Variants in PLXNA2 observed in about 807,000 individuals in gnomAD.
PLXNA2 encodes the protein plexin-A2.
A neutral mutation model predicts 193.5 loss-of-function variants in PLXNA2; 91 were observed. The ratio of observed to expected loss-of-function variants is 0.47; its 90% CI spans 0.40 to 0.56. The LOEUF (loss-of-function observed/expected upper bound fraction) is 0.56, where lower values mean the gene tolerates loss of function less well. PLXNA2 is among the 20% of genes least tolerant of loss of function. The pLI, the probability that PLXNA2 is intolerant of heterozygous loss-of-function variation, is 0.00. For missense variants in PLXNA2, 1,995 were observed against 2,503.2 expected (o/e 0.80, Z 4.33); for synonymous variants, 997 against 1,027.3 (o/e 0.97, Z 0.56).
chr1:208,238,890 G>A (rs1357880721), intron 1 of PLXNA2, among the ~76,000 whole-genome samples: 2 of 152,324 alleles, frequency 1.3e-5, no homozygotes, highest in Non-Finnish European at 1.5e-5. Context: ...TGGCGGGCCA[G>A]CCAGCAGATT....
At chr1:208,205,333 G>A (rs1670683107) in intron 3 of PLXNA2, among the ~76,000 whole-genome samples, 1 of 152,196 alleles carries the variant, frequency 6.6e-6, no homozygotes. Context: ...CAGGAGGGAT[G>A]CTGTCATGAG....
chr1:208,129,652 G>A (rs944177096), intron 4 of PLXNA2, among the ~76,000 whole-genome samples: 18 of 152,106 alleles, frequency 1.2e-4, no homozygotes, highest in Non-Finnish European at 2.5e-4. Flanking sequence ...CCCCTCTCAC[G>A]ATTCACCTAG....
chr1:208,056,532 T>G lies in PLXNA2; in HGVS notation c.2739-1994A>C, dbSNP rs150868046. ...TGGAACAGCCCTGGTCAGCTGCCCC[T>G]GTGTGGAGCTAATGATGGGCCAGGG... is the stretch of plus-strand genomic sequence containing the variant. On this transcript the variant is annotated intron_variant, in intron 13 of 31. Transcript: ENST00000367033. 6.3e-3 allele frequency among the ~76,000 whole-genome samples: 959 copies of G among 152,324 alleles called. 9 individuals carry two copies. The highest frequency in any genetic ancestry group is 0.021 in the African/African-American group (862 of 41,578).
chr1:208,239,154 TAA>T (rs35635470), intron 1 of PLXNA2, among the ~76,000 whole-genome samples: 121 of 141,560 alleles, frequency 8.5e-4, no homozygotes, highest in Non-Finnish European at 9.1e-4. Flanking sequence ...TTTTTTCTTC[TAA>T]AAAAAAAAAA....
intron 3 of PLXNA2, among the ~76,000 whole-genome samples, chr1:208,189,221 G>T (rs1387921668): frequency 6.6e-6 from 1 of 152,192 alleles, no homozygotes; most frequent in Admixed American, 6.5e-5. Context: ...GCCACGTTGT[G>T]AATCTCTGCT....
chr1:208,042,426 G>A, intron 21 of PLXNA2, 60 bp from the exon 22 acceptor site: 1 of 1,569,980 alleles, frequency 6.4e-7, no homozygotes, highest in Non-Finnish European at 8.7e-7. Flanking sequence ...CCTCCTACCT[G>A]AGGGTCTCAC....
intron 4 of PLXNA2, among the ~76,000 whole-genome samples, chr1:208,140,200 G>A (rs1474096769): frequency 6.6e-6 from 1 of 152,190 alleles, no homozygotes; most frequent in Non-Finnish European, 1.5e-5. Context: ...TGGCCAGGCT[G>A]ATGGTCTCAG....
At chr1:208,150,587 G>C (rs1571970908) in intron 3 of PLXNA2, among the ~76,000 whole-genome samples, 1 of 152,174 alleles carries the variant, frequency 6.6e-6, no homozygotes, top group African/African-American at 2.4e-5. Flanking sequence ...TCAAGGGTTA[G>C]GGTGGGGAGA....
At chr1:208,051,497 G>T in intron 15 of PLXNA2, 74 bp from the exon 16 acceptor site, 2 of 1,275,948 alleles carry the variant, frequency 1.6e-6, no homozygotes, top group Non-Finnish European at 2.2e-6. Context: ...TTGACAAGGG[G>T]CTTTCCTTGG....
intron 4 of PLXNA2, among the ~76,000 whole-genome samples, chr1:208,104,506 T>C (rs1667199180): frequency 6.6e-6 from 1 of 152,048 alleles, no homozygotes; most frequent in Admixed American, 6.5e-5. Context: ...TGCTGAAGGT[T>C]TGGGGAACTT....
chr1:208,046,788 G>A (rs565416507), intron 17 of PLXNA2, among the ~76,000 whole-genome samples: 1 of 134,586 alleles, frequency 7.4e-6, no homozygotes, highest in East Asian at 2.2e-4. Context: ...AAGTAGGACA[G>A]AACAGCATAG....
At chr1:208,189,284 T>C (rs912729914) in intron 3 of PLXNA2, among the ~76,000 whole-genome samples, 5 of 152,094 alleles carry the variant, frequency 3.3e-5, no homozygotes, top group African/African-American at 7.2e-5. Context: ...ACTCACATGA[T>C]CATGCCTGGG....
rs952771933 is a variant in PLXNA2, at chr1:208,096,066, T to A, written c.1945A>T (p.Thr649Ser). ...SKETGKIFVS[T>S]EFKFYNCSAH... ...CTGCAGTTGTAAAACTTGAACTCGGTGCTGACAAATATCTTCCCTGTCTCC... is the reference window on the plus strand; with the variant it reads ...CTGCAGTTGTAAAACTTGAACTCGGAGCTGACAAATATCTTCCCTGTCTCC... Residue 649 changes from threonine to serine, a missense_variant, in exon 8 of 32, where the codon ACC (threonine) becomes TCC (serine). This residue lies in a region of PLXNA2 where 1,291 missense variants were observed against 1,673.6 expected (regional missense o/e 0.77). Transcript: ENST00000367033. 2.5e-6 allele frequency: 4 copies of A among 1,613,972 alleles called. No homozygotes were observed. Among genetic ancestry groups the A allele is most frequent in the Non-Finnish European group, 3.4e-6 (4 of 1,179,978 alleles).
At chr1:208,230,337 G>A (rs2590682) in intron 1 of PLXNA2, 124,850 of 151,778 alleles carry the variant, frequency 0.82, 51,419 homozygotes, top group East Asian at 0.87. Context: ...CCTTCTCCCC[G>A]TGCTGACCTG....
intron 1 of PLXNA2, among the ~76,000 whole-genome samples, chr1:208,240,150 G>T (rs143520622): frequency 2.0e-5 from 3 of 152,102 alleles, no homozygotes; most frequent in Non-Finnish European, 2.9e-5. Flanking sequence ...CTCTTACCCC[G>T]CAAGGACCCT....
In PLXNA2 at chr1:208,098,940, G is replaced by A. The variant is rs1022090935; in HGVS notation, c.1637C>T (p.Ala546Val). 6.2e-7 allele frequency: 1 copy of A among 1,613,062 alleles called. No individual in the cohort carries two copies. Residue 546 changes from alanine (A) to valine (V), a missense_variant, in exon 6 of 32, where the codon GCC becomes GTC. Transcript: ENST00000367033. ...MCSRRDKCQQAWEPNRFAASI... is the reference protein window; with the variant it reads ...MCSRRDKCQQVWEPNRFAASI... ...GGCAGCAAATCGATTAGGTTCCCAG[G>A]CCTGTTGGCATTTGTCCCTGCGGGA...
chr1:208,102,226 G>A (rs565501019), intron 5 of PLXNA2, among the ~76,000 whole-genome samples: 1 of 152,348 alleles, frequency 6.6e-6, no homozygotes, highest in Admixed American at 6.5e-5. Flanking sequence ...GAGGCTGGAA[G>A]CCAAGAGCTA....
chr1:208,238,230 G>T (rs1479453902), intron 1 of PLXNA2, among the ~76,000 whole-genome samples: 1 of 152,186 alleles, frequency 6.6e-6, no homozygotes, highest in Non-Finnish European at 1.5e-5. Context: ...TTCACTCGGA[G>T]CCCTGGGATC....
chr1:208,095,473 C>T (rs1666851024), intron 8 of PLXNA2, among the ~76,000 whole-genome samples: 1 of 152,164 alleles, frequency 6.6e-6, no homozygotes, highest in African/African-American at 2.4e-5. Context: ...TTCCCTTCCT[C>T]TTGAAAATAT....
Sources: gnomAD v4.1 joint callset for allele counts (sites outside exome capture counted in the v4.1 genomes callset) on GRCh38, gnomAD v4.1.1 for gene constraint, gnomAD v4.1.1 regional missense constraint, MANE v1.5 for transcripts, NCBI Gene and HGNC (gene_info 2026-07-23, HGNC 2026-07-21) for gene names.